Variants in CADPS observed in about 807,000 individuals in gnomAD.
CADPS encodes calcium-dependent secretion activator 1.
Under a neutral mutation model 167.3 loss-of-function variants are expected in CADPS, and 57 were observed. That is an observed-to-expected ratio of 0.34 (90% confidence interval 0.28 to 0.42). The LOEUF is 0.42. CADPS is among the 20% of genes least tolerant of loss of function. The probability of loss-of-function intolerance (pLI) is 1.00; values close to 1 mark genes in which losing one functional copy is unlikely to be tolerated. For synonymous variants in CADPS, 676 were observed against 635.3 expected (o/e 1.06, Z -0.96); for missense variants, 1,414 against 1,738.1 (o/e 0.81, Z 3.32).
intron 10 of CADPS, among the ~76,000 whole-genome samples, chr3:62,555,855 C>T (rs113622050): frequency 0.042 from 6,460 of 152,230 alleles, 204 homozygotes; most frequent in African/African-American, 0.081. Context: ...ATCCTCCCAC[C>T]TTAGCCTCCC....
intron 10 of CADPS, among the ~76,000 whole-genome samples, chr3:62,554,687 G>T (rs1294376037): frequency 6.6e-6 from 1 of 152,250 alleles, no homozygotes; most frequent in South Asian, 2.1e-4. Flanking sequence ...CAAAGATTCT[G>T]ACCTCTCCCT....
chr3:62,445,234 T>C (rs1480440381), intron 27 of CADPS, among the ~76,000 whole-genome samples: 1 of 152,226 alleles, frequency 6.6e-6, no homozygotes, highest in East Asian at 1.9e-4. Context: ...AGCAGTTTTA[T>C]GAGGTTTCCT....
At chr3:62,732,130 T>A (rs2078025684) in intron 3 of CADPS, among the ~76,000 whole-genome samples, 1 of 152,164 alleles carries the variant, frequency 6.6e-6, no homozygotes, top group South Asian at 2.1e-4. Context: ...GGCTCCTAAT[T>A]TTCTCTGCCT....
chr3:62,739,078 G>A (rs527535826), intron 3 of CADPS, among the ~76,000 whole-genome samples: 6 of 152,204 alleles, frequency 3.9e-5, no homozygotes, highest in South Asian at 4.1e-4. Flanking sequence ...GTTTCTCCTC[G>A]CTTGAATTTT....
At chr3:62,476,098 A>G (rs555167866) in intron 23 of CADPS, among the ~76,000 whole-genome samples, 27 of 152,312 alleles carry the variant, frequency 1.8e-4, no homozygotes, top group African/African-American at 6.5e-4. Context: ...AAGTAACCTG[A>G]TATAGACTAG....
At chr3:62,717,201 C>T (rs890215768) in intron 3 of CADPS, among the ~76,000 whole-genome samples, 1 of 152,190 alleles carries the variant, frequency 6.6e-6, no homozygotes, top group African/African-American at 2.4e-5. Flanking sequence ...TAGCTCATCA[C>T]CAGCCAAGAT....
intron 3 of CADPS, among the ~76,000 whole-genome samples, chr3:62,706,471 G>C (rs2082321535): frequency 1.3e-5 from 2 of 152,090 alleles, no homozygotes; most frequent in African/African-American, 4.8e-5. Flanking sequence ...TGGGTTTGCT[G>C]AAACTGCTGT....
chr3:62,684,537 C>T (rs2077655558), intron 3 of CADPS, among the ~76,000 whole-genome samples: 3 of 152,054 alleles, frequency 2.0e-5, no homozygotes, highest in Admixed American at 1.3e-4. Flanking sequence ...GATTTTTATC[C>T]TCAATTCAGA....
chr3:62,421,213 G>A lies in CADPS; in HGVS notation c.3777+16891C>T, dbSNP rs374984572. On this transcript the variant is annotated intron_variant, in intron 28 of 29. Transcript: ENST00000383710. The surrounding 1 kb of genome is among the most constrained non-coding windows in gnomAD (Gnocchi z 4.7). ...CTCTGCCTTGCCGTCAATGCTTCTC[G>A]TCCACAAGGCTCCCTCCCCCTTCCT... Among the ~76,000 whole-genome samples, 5 of 152,150 alleles carry A rather than the reference G, an allele frequency of 3.3e-5. No individual in the cohort carries two copies. The highest frequency in any genetic ancestry group is 1.2e-4 in the African/African-American group (5 of 41,500).
chr3:62,782,752 C>A (rs1391387453), intron 1 of CADPS, among the ~76,000 whole-genome samples: 2 of 146,840 alleles, frequency 1.4e-5, no homozygotes, highest in African/African-American at 5.2e-5. Context: ...TATAGTGTAG[C>A]ATTTCTTTCT....
At chr3:62,543,101 A>T (rs2075963245) in intron 11 of CADPS, among the ~76,000 whole-genome samples, 1 of 152,214 alleles carries the variant, frequency 6.6e-6, no homozygotes, top group Non-Finnish European at 1.5e-5. Context: ...GTTTAGATCA[A>T]ATCATGGTGT....
chr3:62,541,113 A>G (rs2075612946), intron 11 of CADPS, among the ~76,000 whole-genome samples: 1 of 152,160 alleles, frequency 6.6e-6, no homozygotes, highest in Non-Finnish European at 1.5e-5. Context: ...GCTTTGGGAG[A>G]TGCATCCTAA....
intron 28 of CADPS, among the ~76,000 whole-genome samples, chr3:62,434,491 T>C (rs1046743319): frequency 6.6e-6 from 1 of 152,172 alleles, no homozygotes; most frequent in Non-Finnish European, 1.5e-5. Flanking sequence ...TTAGGCAACA[T>C]TATGTCCAAA....
At chr3:62,686,686 T>C (rs1036727077) in intron 3 of CADPS, among the ~76,000 whole-genome samples, 10 of 152,086 alleles carry the variant, frequency 6.6e-5, no homozygotes, top group African/African-American at 2.4e-4. Flanking sequence ...GAATGTCCTG[T>C]TTATGGAATA....
At chr3:62,787,746 T>C (rs565653814) in intron 1 of CADPS, among the ~76,000 whole-genome samples, 2 of 152,346 alleles carry the variant, frequency 1.3e-5, no homozygotes, top group South Asian at 4.1e-4. Context: ...ATAGCTTGGC[T>C]TGTCTAAGCC....
intron 6 of CADPS, among the ~76,000 whole-genome samples, chr3:62,643,263 C>T (rs2067816421): frequency 3.3e-5 from 5 of 152,176 alleles, no homozygotes; most frequent in Admixed American, 3.3e-4. Flanking sequence ...TTGACCTTGG[C>T]ACTATTTTCC....
At chr3:62,842,564 T>C (rs1318194727) in intron 1 of CADPS, among the ~76,000 whole-genome samples, 4 of 152,244 alleles carry the variant, frequency 2.6e-5, no homozygotes, top group Non-Finnish European at 5.9e-5. Flanking sequence ...AGTGTTTTTA[T>C]TGCATGTCAG....
At chr3:62,664,033 G>C (rs529773743) in intron 3 of CADPS, among the ~76,000 whole-genome samples, 81 of 152,196 alleles carry the variant, frequency 5.3e-4, no homozygotes, top group African/African-American at 1.9e-3. Context: ...CCCGAGATGA[G>C]GTCTTGCTGT....
chr3:62,753,444 G>A lies in CADPS; in HGVS notation c.885C>T (p.Cys295=). 1 of 1,605,472 alleles carries A rather than the reference G, an allele frequency of 6.2e-7. No homozygotes were observed. Among genetic ancestry groups the A allele is most frequent in the Admixed American group, 1.7e-5 (1 of 59,792 alleles). The change falls in exon 3 of 30, where the codon TGC becomes TGT. Residue 295 remains cysteine (C), a synonymous_variant. Coordinates refer to ENST00000383710, the MANE Select transcript of CADPS (RefSeq NM_003716.4). This position sits in a 1 kb window ranked among gnomAD's most constrained non-coding sequence, Gnocchi z 4.6. ...KFEHQLLYNA[C]QLDNPDEQAA... ...GCCCAGGCGAGAAACACCTTACCTGGCAGGCATTGTAAAGGAGCTGATGTT... is the reference window on the plus strand; with the variant it reads ...GCCCAGGCGAGAAACACCTTACCTGACAGGCATTGTAAAGGAGCTGATGTT...
Sources: gnomAD v4.1 joint callset for allele counts (sites outside exome capture counted in the v4.1 genomes callset) on GRCh38, gnomAD v4.1.1 for gene constraint, Gnocchi (gnomAD v3.1) non-coding constraint, MANE v1.5 for transcripts, NCBI Gene and HGNC (gene_info 2026-07-23, HGNC 2026-07-21) for gene names.